Variants in ARID1B observed in about 807,000 individuals in gnomAD.
ARID1B encodes the protein AT-rich interactive domain-containing protein 1B.
ARID1B carries 30 observed loss-of-function variants against 212.3 expected under a neutral mutation model. The observed-to-expected ratio is 0.14, with a 90% CI of 0.11 to 0.19. ARID1B has a LOEUF of 0.19. ARID1B is among the 10% of genes least tolerant of loss of function. The probability of loss-of-function intolerance (pLI) is 1.00; values close to 1 mark genes in which losing one functional copy is unlikely to be tolerated. For missense variants in ARID1B, 2,891 were observed against 3,204.0 expected, an observed-to-expected ratio of 0.90 and a Z score of 2.36; for synonymous variants, 1,402 against 1,301.7, an observed-to-expected ratio of 1.08 and a Z score of -1.66.
chr6:156,783,994 A>G lies in ARID1B; in HGVS notation c.1791+4523A>G, dbSNP rs193087681. Among the ~76,000 whole-genome samples, 351 of 152,334 alleles carry G rather than the reference A, an allele frequency of 2.3e-3. 1 individual carries two copies. Among genetic ancestry groups the G allele is most frequent in the Non-Finnish European group, 3.8e-3 (261 of 68,030 alleles). On this transcript the variant is annotated intron_variant, in intron 1 of 19. Coordinates refer to ENST00000636930, the MANE Select transcript of ARID1B (RefSeq NM_001374828.1). ...GTGTGTTGCATAAAATGACAGATTT[A>G]TGGAGGCTGAAAATATTAATAAAAC...
At chr6:156,879,159 G>A (rs1311357812) in intron 2 of ARID1B, among the ~76,000 whole-genome samples, 1 of 152,216 alleles carries the variant, frequency 6.6e-6, no homozygotes, top group Non-Finnish European at 1.5e-5. Flanking sequence ...CACGCACTCG[G>A]AGCCTCTTCC....
chr6:156,839,583 G>T (rs1293801681), intron 2 of ARID1B, among the ~76,000 whole-genome samples: 1 of 152,162 alleles, frequency 6.6e-6, no homozygotes, highest in Non-Finnish European at 1.5e-5. Context: ...AGTGTCTCTG[G>T]CTGAGTTCTC....
intron 4 of ARID1B, among the ~76,000 whole-genome samples, chr6:157,069,605 T>G (rs1270476348): frequency 6.6e-6 from 1 of 152,206 alleles, no homozygotes; most frequent in Non-Finnish European, 1.5e-5. Flanking sequence ...GCTTCAGCAT[T>G]TATTCATGTT....
At chr6:156,975,183 T>C (rs1777148200) in intron 4 of ARID1B, among the ~76,000 whole-genome samples, 1 of 152,250 alleles carries the variant, frequency 6.6e-6, no homozygotes, top group African/African-American at 2.4e-5. Context: ...CTTTTGTCTT[T>C]TGCATCGTGG....
chr6:156,829,526 G>A (rs187254602), intron 2 of ARID1B, 105 bp downstream of exon 2: 31 of 1,187,860 alleles, frequency 2.6e-5, no homozygotes, highest in Middle Eastern at 3.0e-4. Flanking sequence ...GGCATTGCAC[G>A]GATTTTCTGC....
intron 1 of ARID1B, among the ~76,000 whole-genome samples, chr6:156,813,082 G>C (rs562883305): frequency 7.7e-6 from 1 of 129,834 alleles, no homozygotes; most frequent in African/African-American, 3.0e-5. Context: ...ACACACATAC[G>C]TATGTATATA....
At chr6:156,821,492 T>C (rs1035654006) in intron 1 of ARID1B, among the ~76,000 whole-genome samples, 4 of 152,206 alleles carry the variant, frequency 2.6e-5, no homozygotes, top group South Asian at 4.1e-4. Context: ...GAGCAGACTT[T>C]TGTTACATAG....
At chr6:156,990,418 G>A (rs986480680) in intron 4 of ARID1B, among the ~76,000 whole-genome samples, 3 of 152,004 alleles carry the variant, frequency 2.0e-5, no homozygotes, top group South Asian at 2.1e-4. Context: ...CAAGGCAGGC[G>A]GATCACAAGG....
intron 2 of ARID1B, among the ~76,000 whole-genome samples, chr6:156,838,411 C>CA (rs752304423): frequency 5.3e-5 from 8 of 152,158 alleles, no homozygotes; most frequent in Non-Finnish European, 8.8e-5. Context: ...GAGCTGGAGA[C>CA]AAACGTCTTT....
chr6:156,931,481 G>T (rs553423403), intron 3 of ARID1B, among the ~76,000 whole-genome samples: 57 of 152,120 alleles, frequency 3.7e-4, no homozygotes, highest in African/African-American at 1.3e-3. Flanking sequence ...ATATGTTCAA[G>T]TACCTCGCAA....
intron 1 of ARID1B, among the ~76,000 whole-genome samples, chr6:156,800,335 A>G (rs960183364): frequency 6.6e-6 from 1 of 152,200 alleles, no homozygotes; most frequent in Admixed American, 6.5e-5. Flanking sequence ...CACCCCTGTA[A>G]TCCAACACTT....
At chr6:157,182,983 C>T (rs951995739) in intron 12 of ARID1B, among the ~76,000 whole-genome samples, 2 of 152,106 alleles carry the variant, frequency 1.3e-5, no homozygotes, top group Non-Finnish European at 2.9e-5. Flanking sequence ...CTGGCTACTT[C>T]CTTACTGTGA....
chr6:157,205,606 C>G (rs1794385375), intron 19 of ARID1B: 1 of 152,250 alleles, frequency 6.6e-6, no homozygotes, highest in African/African-American at 2.4e-5. Flanking sequence ...CATGAGCTAC[C>G]ACATTGCTGA....
chr6:156,947,693 C>T (rs1298908517), intron 4 of ARID1B, among the ~76,000 whole-genome samples: 5 of 150,682 alleles, frequency 3.3e-5, no homozygotes, highest in Admixed American at 2.6e-4. Context: ...TTAAAAAGGC[C>T]TGTCATTTTA....
At chr6:156,779,567 C>T (rs1349134177) in intron 1 of ARID1B, 96 bp downstream of exon 1, 9 of 1,124,386 alleles carry the variant, frequency 8.0e-6, no homozygotes, top group East Asian at 7.9e-5. Flanking sequence ...TCCCCGTCTT[C>T]CCGCGGGGGC....
chr6:157,092,936 A>G (rs1785370575), intron 5 of ARID1B, among the ~76,000 whole-genome samples: 1 of 152,120 alleles, frequency 6.6e-6, no homozygotes, highest in South Asian at 2.1e-4. Context: ...GAAGCACTTC[A>G]GACACCTCGT....
At chr6:157,112,739 A>G (rs1257296142) in intron 6 of ARID1B, among the ~76,000 whole-genome samples, 4 of 152,178 alleles carry the variant, frequency 2.6e-5, no homozygotes, top group Non-Finnish European at 5.9e-5. Flanking sequence ...AGCTAAATCA[A>G]ACTTTTAACT....
chr6:156,776,882 T>TA (rs1778652721), upstream of ARID1B: 1 of 152,236 alleles, frequency 6.6e-6, no homozygotes, highest in African/African-American at 2.4e-5. Flanking sequence ...TTGTGGGAAT[T>TA]ACGCCGATGG....
intron 2 of ARID1B, among the ~76,000 whole-genome samples, chr6:156,890,828 G>C (rs1399146025): frequency 6.6e-6 from 1 of 152,194 alleles, no homozygotes; most frequent in South Asian, 2.1e-4. Flanking sequence ...TACATTTGTT[G>C]ACTATTTCTC....
Sources: allele counts gnomAD v4.1 joint callset (sites outside exome capture counted in the v4.1 genomes callset), GRCh38; gene constraint gnomAD v4.1.1; transcripts MANE v1.5; gene names NCBI Gene and HGNC (gene_info 2026-07-23, HGNC 2026-07-21).